The following TFDP1 variants were observed in gnomAD, a reference collection of about 807,000 sequenced individuals.
TFDP1 encodes transcription factor Dp-1.
A neutral mutation model predicts 48.0 loss-of-function variants in TFDP1; 6 were observed. That is an observed-to-expected ratio of 0.13 (90% CI 0.07 to 0.25). The LOEUF is 0.25. TFDP1 is among the 10% of genes least tolerant of loss of function. TFDP1 has a pLI of 1.00. For missense variants in TFDP1, 335 were observed against 543.0 expected (o/e 0.62, Z 3.81); for synonymous variants, 201 against 211.6 (o/e 0.95, Z 0.44).
intron 2 of TFDP1, among the ~76,000 whole-genome samples, chr13:113,606,277 G>A (rs2048569863): frequency 6.6e-6 from 1 of 152,206 alleles, no homozygotes; most frequent in Admixed American, 6.5e-5. Context: ...GGTTGCTTGG[G>A]CTGCTGTCAC....
At chr13:113,636,409 C>A in intron 9 of TFDP1, 125 bp from the exon 10 acceptor site, 2 of 1,129,252 alleles carry the variant, frequency 1.8e-6, no homozygotes, top group Non-Finnish European at 2.6e-6. Context: ...TGTGAGGAGA[C>A]ACTGATGACT....
At chr13:113,589,136 T>C (rs1350266312) in intron 2 of TFDP1, among the ~76,000 whole-genome samples, 2 of 152,174 alleles carry the variant, frequency 1.3e-5, no homozygotes, top group Non-Finnish European at 2.9e-5. Flanking sequence ...TGGGCCCAGC[T>C]GGAGAAATGG....
chr13:113,615,654 G>A (rs978191068), intron 3 of TFDP1, among the ~76,000 whole-genome samples: 4 of 152,198 alleles, frequency 2.6e-5, no homozygotes, highest in South Asian at 2.1e-4. Context: ...CAGAAATCCC[G>A]GTGCTTTGGG....
chr13:113,635,589 C>T (rs752033820), intron 8 of TFDP1, among the ~76,000 whole-genome samples: 4 of 152,206 alleles, frequency 2.6e-5, no homozygotes, highest in Non-Finnish European at 5.9e-5. Flanking sequence ...CCAGGGTGGG[C>T]AAAGTCCACG....
At chr13:113,585,881 T>TG (rs765540174) in intron 2 of TFDP1, 32 bp downstream of exon 2, 1 of 1,595,290 alleles carries the variant, frequency 6.3e-7, no homozygotes, top group Admixed American at 1.7e-5. Flanking sequence ...TGCACACGAA[T>TG]GTTTGCCTCG....
At chr13:113,636,806 C>G in intron 10 of TFDP1, 106 bp downstream of exon 10, 2 of 1,351,104 alleles carry the variant, frequency 1.5e-6, no homozygotes, top group Non-Finnish European at 2.0e-6. Context: ...GAGATCAGGC[C>G]CACGTGTGTA....
chr13:113,593,625 G>C (rs2048205826), intron 2 of TFDP1, among the ~76,000 whole-genome samples: 1 of 137,916 alleles, frequency 7.3e-6, no homozygotes. Context: ...TGACAGTTGT[G>C]CTGTGTGCAG....
At chr13:113,608,041 C>T (rs1282036129) in intron 2 of TFDP1, among the ~76,000 whole-genome samples, 1 of 152,206 alleles carries the variant, frequency 6.6e-6, no homozygotes, top group African/African-American at 2.4e-5. Flanking sequence ...CTGGGCAAGG[C>T]CCGTGGCTGA....
At chr13:113,590,478 C>T (rs1371427625) in intron 2 of TFDP1, among the ~76,000 whole-genome samples, 3 of 152,170 alleles carry the variant, frequency 2.0e-5, no homozygotes, top group African/African-American at 4.8e-5. Context: ...TCCTTCAGTG[C>T]TTGAAGGAGT....
intron 2 of TFDP1, among the ~76,000 whole-genome samples, chr13:113,593,307 G>A (rs1410543602): frequency 7.0e-6 from 1 of 142,790 alleles, no homozygotes; most frequent in East Asian, 2.1e-4. Flanking sequence ...CAGGTGACAG[G>A]TGTGGTGTGC....
At position 113,631,608 on chromosome 13, in the gene TFDP1, C is replaced by CT; in HGVS notation, c.187-10dup. On this transcript the variant is annotated splice_polypyrimidine_tract_variant and intron_variant, in intron 4 of 11. Coordinates refer to ENST00000375370, the MANE Select transcript of TFDP1 (RefSeq NM_007111.5). ...GGAGGGGACTGACTGTCTGAATTGT[C>CT]TTTTTCGACTGTAGGTAATTGGTAC... 1 of 1,611,368 alleles carries CT rather than the reference C, an allele frequency of 6.2e-7. No homozygotes were observed. Among genetic ancestry groups the CT allele is most frequent in the Non-Finnish European group, 8.5e-7 (1 of 1,178,960 alleles).
chr13:113,599,122 T>C (rs565265211), intron 2 of TFDP1, among the ~76,000 whole-genome samples: 1 of 152,204 alleles, frequency 6.6e-6, no homozygotes, highest in Admixed American at 6.5e-5. Flanking sequence ...ATAAATGAAC[T>C]CACATGTTTT....
intron 3 of TFDP1, among the ~76,000 whole-genome samples, chr13:113,615,722 C>T (rs562586620): frequency 8.5e-5 from 13 of 152,182 alleles, no homozygotes; most frequent in African/African-American, 2.9e-4. Context: ...TGGGCAACAA[C>T]GGGAGACCCC....
intron 2 of TFDP1, among the ~76,000 whole-genome samples, chr13:113,597,277 G>A (rs2048309520): frequency 6.6e-6 from 1 of 152,246 alleles, no homozygotes; most frequent in African/African-American, 2.4e-5. Flanking sequence ...AAAGTTAGCT[G>A]CTATGATAAA....
intron 2 of TFDP1, among the ~76,000 whole-genome samples, chr13:113,589,599 C>G (rs368124507): frequency 7.9e-5 from 12 of 152,374 alleles, no homozygotes; most frequent in Admixed American, 6.5e-4. Flanking sequence ...AGGCTGTCCT[C>G]TGGTTCCTGA....
chr13:113,622,442 G>A (rs1460604024), intron 3 of TFDP1, among the ~76,000 whole-genome samples: 1 of 152,194 alleles, frequency 6.6e-6, no homozygotes, highest in Non-Finnish European at 1.5e-5. Flanking sequence ...TGACCACCCA[G>A]GCCTCCCAAC....
Position 113,623,143 on chromosome 13 carries a change from G to A in TFDP1, c.80-37G>A, listed in dbSNP as rs1469494207. The A allele has an allele frequency of 2.5e-6, 4 of 1,570,288 alleles. No homozygotes were observed. Among genetic ancestry groups the A allele is most frequent in the Non-Finnish European group, 3.5e-6 (4 of 1,148,960 alleles). ...TCGCTTGTAGCCTTAACTTAGAAAAGGAGTCTCGCCCTTGACCTGGTGTCC... is the reference window on the plus strand; with the variant it reads ...TCGCTTGTAGCCTTAACTTAGAAAAAGAGTCTCGCCCTTGACCTGGTGTCC... On this transcript the variant is annotated intron_variant, in intron 3 of 11. Transcript: ENST00000375370. This position sits in a 1 kb window ranked among gnomAD's most constrained non-coding sequence, Gnocchi z 5.2.
Position 113,634,827 on chromosome 13 carries a change from ATGTG to A in TFDP1, c.687+236_687+239del, listed in dbSNP as rs377583319. ...CATGTGTGTGTGCGTGCATGCATGC[ATGTG>A]TGTGTGTGTGCATGTGCCTGTGTGC... is the stretch of plus-strand genomic sequence containing the variant. On this transcript the variant is annotated intron_variant, in intron 8 of 11. Transcript: ENST00000375370. Among the ~76,000 whole-genome samples the A allele has an allele frequency of 7.4e-5, 11 of 148,240 alleles. No individual in the cohort carries two copies. The East Asian group carries it at 1.4e-3, about 19-fold the overall frequency.
chr13:113,587,695 C>T (rs2048039828), intron 2 of TFDP1, among the ~76,000 whole-genome samples: 1 of 152,050 alleles, frequency 6.6e-6, no homozygotes, highest in Admixed American at 6.5e-5. Context: ...CCATGTTGCC[C>T]AGGCTGGGCT....
Sources: gnomAD v4.1 joint callset for allele counts (sites outside exome capture counted in the v4.1 genomes callset) on GRCh38, gnomAD v4.1.1 for gene constraint, Gnocchi (gnomAD v3.1) non-coding constraint, MANE v1.5 for transcripts, NCBI Gene and HGNC (gene_info 2026-07-23, HGNC 2026-07-21) for gene names.